Variants in PTPN14 observed in about 807,000 individuals in gnomAD.
PTPN14 encodes tyrosine-protein phosphatase non-receptor type 14.
In PTPN14, 53 loss-of-function variants were observed where a neutral mutation model predicts 126.8. The observed-to-expected ratio is 0.42, with a 90% CI of 0.34 to 0.53. PTPN14 has a LOEUF of 0.53. PTPN14 is among the 20% of genes least tolerant of loss of function. PTPN14 has a pLI of 0.08. For synonymous variants in PTPN14, 630 were observed against 599.3 expected, an observed-to-expected ratio of 1.05 and a Z score of -0.75; for missense variants, 1,257 against 1,552.9, an observed-to-expected ratio of 0.81 and a Z score of 3.20.
intron 3 of PTPN14, among the ~76,000 whole-genome samples, chr1:214,420,560 G>A (rs1232486171): frequency 6.6e-6 from 1 of 152,194 alleles, no homozygotes; most frequent in African/African-American, 2.4e-5. Flanking sequence ...GACATGCCAC[G>A]ACCTGATCCT....
At chr1:214,396,610 A>G (rs534065788) in intron 8 of PTPN14, among the ~76,000 whole-genome samples, 1 of 152,340 alleles carries the variant, frequency 6.6e-6, no homozygotes, top group East Asian at 1.9e-4. Flanking sequence ...AGTAGATGTG[A>G]ATTCTCATCT....
chr1:214,502,913 T>A (rs949112360), intron 1 of PTPN14, among the ~76,000 whole-genome samples: 1 of 152,126 alleles, frequency 6.6e-6, no homozygotes, highest in African/African-American at 2.4e-5. Context: ...CTTAGAAAAA[T>A]TAAGTGAAAA....
chr1:214,402,740 G>T, intron 6 of PTPN14, 143 bp downstream of exon 6: 1 of 813,942 alleles, frequency 1.2e-6, no homozygotes, highest in Non-Finnish European at 1.9e-6. Context: ...CAGAACGGAA[G>T]TACAGAGCTG....
chr1:214,475,803 A>G (rs1272605132), intron 1 of PTPN14, among the ~76,000 whole-genome samples: 1 of 152,170 alleles, frequency 6.6e-6, no homozygotes, highest in East Asian at 1.9e-4. Context: ...CTGAGGCTAA[A>G]GAGAGGAAAT....
At chr1:214,390,012 C>T (rs1658713336) in intron 11 of PTPN14, among the ~76,000 whole-genome samples, 1 of 152,172 alleles carries the variant, frequency 6.6e-6, no homozygotes, top group African/African-American at 2.4e-5. Context: ...TCAGAGTCCA[C>T]ATCTAAGCAT....
In PTPN14 at chr1:214,389,574, A is replaced by T. The variant is rs575429857; in HGVS notation, c.987+1414T>A. Among the ~76,000 whole-genome samples, 238 of 152,314 alleles carry T rather than the reference A, an allele frequency of 1.6e-3. 2 individuals carry two copies. The highest frequency in any genetic ancestry group is 5.3e-3 in the African/African-American group (219 of 41,576). ...AGAAACTCTTGGTGAAATGGTTTAAACCTAAAGGACAGGGGAAAGGGGGAA... is the reference window on the plus strand; with the variant it reads ...AGAAACTCTTGGTGAAATGGTTTAATCCTAAAGGACAGGGGAAAGGGGGAA... On this transcript the variant is annotated intron_variant, in intron 11 of 18. Coordinates refer to ENST00000366956, the MANE Select transcript of PTPN14 (RefSeq NM_005401.5).
chr1:214,382,491 C>G (rs1393255957), intron 13 of PTPN14, among the ~76,000 whole-genome samples: 2 of 152,026 alleles, frequency 1.3e-5, no homozygotes, highest in African/African-American at 2.4e-5. Context: ...CTGGCTGGTT[C>G]TTTTTTTATT....
At chr1:214,379,973 G>T (rs899600198) in intron 13 of PTPN14, among the ~76,000 whole-genome samples, 2 of 152,196 alleles carry the variant, frequency 1.3e-5, no homozygotes, top group Non-Finnish European at 2.9e-5. Flanking sequence ...ACCTGTCTCA[G>T]ATTTTCTGGG....
At chr1:214,428,917 A>G (rs997808765) in intron 3 of PTPN14, among the ~76,000 whole-genome samples, 50 of 152,334 alleles carry the variant, frequency 3.3e-4, no homozygotes, top group Non-Finnish European at 5.1e-4. Flanking sequence ...TGGGGAGAAA[A>G]AACAAGTTTG....
At chr1:214,441,472 C>T (rs1341304282) in intron 3 of PTPN14, among the ~76,000 whole-genome samples, 1 of 152,210 alleles carries the variant, frequency 6.6e-6, no homozygotes, top group South Asian at 2.1e-4. Context: ...CTTCCTTCCT[C>T]TCCACCCACT....
chr1:214,532,531 A>T, intron 1 of PTPN14: 1 of 1,023,216 alleles, frequency 9.8e-7, no homozygotes, highest in South Asian at 1.3e-5. Context: ...GAGCACCTGG[A>T]GAAGAAGGGA....
At chr1:214,442,977 C>T (rs377753020) in intron 3 of PTPN14, among the ~76,000 whole-genome samples, 11 of 152,232 alleles carry the variant, frequency 7.2e-5, no homozygotes, top group South Asian at 6.2e-4. Context: ...GTATGTGCCA[C>T]CATGCCAGGC....
rs1657817362 is a variant in PTPN14, at chr1:214,356,220, AAGTGCT to A, written c.*1696_*1701del. 6.6e-6 allele frequency: 1 copy of A among 152,224 alleles called. No individual in the cohort carries two copies. The highest frequency in any genetic ancestry group is 1.5e-5 in the Non-Finnish European group (1 of 68,134). 9.4% of individuals were successfully genotyped at this position (152,224 alleles called of 1,614,324 possible). On this transcript the variant is annotated 3_prime_UTR_variant, in exon 19 of 19. Coordinates refer to ENST00000366956, the MANE Select transcript of PTPN14 (RefSeq NM_005401.5). ...GCAATCTGCCCGCCTTGGCCTTTCAAAGTGCTGGGATTACAGGTGTGAACCACCGTG... is the reference window on the plus strand; with the variant it reads ...GCAATCTGCCCGCCTTGGCCTTTCAAGGGATTACAGGTGTGAACCACCGTG...
At chr1:214,463,122 C>T (rs907024127) in intron 2 of PTPN14, among the ~76,000 whole-genome samples, 7 of 152,166 alleles carry the variant, frequency 4.6e-5, no homozygotes, top group Non-Finnish European at 8.8e-5. Context: ...TAACCACATG[C>T]TACACTGTCC....
At chr1:214,434,399 C>T (rs1250987095) in intron 3 of PTPN14, among the ~76,000 whole-genome samples, 1 of 151,936 alleles carries the variant, frequency 6.6e-6, no homozygotes, top group Non-Finnish European at 1.5e-5. Flanking sequence ...CTCTGGTAAC[C>T]TTCAAGAGGC....
At chr1:214,449,029 C>T (rs1317097238) in intron 3 of PTPN14, among the ~76,000 whole-genome samples, 7 of 39,798 alleles carry the variant, frequency 1.8e-4, no homozygotes, top group African/African-American at 7.9e-4. Flanking sequence ...TTTTTTGAGA[C>T]GGAGTCTCAC....
intron 13 of PTPN14, among the ~76,000 whole-genome samples, chr1:214,379,289 A>G (rs1047205669): frequency 1.3e-5 from 2 of 152,104 alleles, no homozygotes; most frequent in Admixed American, 6.6e-5. Context: ...TCCTTATTCT[A>G]TGATGTATAA....
intron 5 of PTPN14, among the ~76,000 whole-genome samples, chr1:214,408,837 G>A (rs764405860): frequency 6.6e-6 from 1 of 152,030 alleles, no homozygotes; most frequent in Non-Finnish European, 1.5e-5. Context: ...ACCTACAAAG[G>A]CTCTGGGGTG....
chr1:214,550,522 A>G (rs1188828058), intron 1 of PTPN14, among the ~76,000 whole-genome samples: 1 of 152,234 alleles, frequency 6.6e-6, no homozygotes, highest in Non-Finnish European at 1.5e-5. Context: ...TTCAAACCTG[A>G]GATCTGGGGG....
Sources: gnomAD v4.1 joint callset for allele counts (sites outside exome capture counted in the v4.1 genomes callset) on GRCh38, gnomAD v4.1.1 for gene constraint, MANE v1.5 for transcripts, NCBI Gene and HGNC (gene_info 2026-07-23, HGNC 2026-07-21) for gene names.